PLA2G4A: variants seen among roughly 807,000 people sequenced by gnomAD.
PLA2G4A encodes the protein phospholipase A2 group IVA, also known as cytosolic phospholipase A2.
Under a neutral mutation model 81.9 loss-of-function variants are expected in PLA2G4A, and 40 were observed. The ratio of observed to expected loss-of-function variants is 0.49; its 90% CI spans 0.38 to 0.64. The LOEUF (loss-of-function observed/expected upper bound fraction) is 0.64. Among genes scored for constraint, PLA2G4A ranks in the 30% least tolerant of loss-of-function variants. The pLI is 0.00. For synonymous variants in PLA2G4A, 302 were observed against 296.9 expected, an observed-to-expected ratio of 1.02 and a Z score of -0.18; for missense variants, 715 against 905.1, an observed-to-expected ratio of 0.79 and a Z score of 2.69.
chr1:186,944,527 G>A (rs1656268869), intron 10 of PLA2G4A, among the ~76,000 whole-genome samples: 1 of 152,142 alleles, frequency 6.6e-6, no homozygotes, highest in South Asian at 2.1e-4. Context: ...TGCTAGTTAT[G>A]TCTCACAAAT....
At chr1:186,884,385 G>A (rs60409797) in intron 3 of PLA2G4A, among the ~76,000 whole-genome samples, 5,492 of 151,528 alleles carry the variant, frequency 0.036, 339 homozygotes, top group African/African-American at 0.13. Flanking sequence ...TGGGTGGAGG[G>A]GAAGGATAGG....
Position 186,904,861 on chromosome 1 carries a change from T to TA in PLA2G4A, c.379-2104_379-2103insA, listed in dbSNP as rs869046623. Among the ~76,000 whole-genome samples the TA allele has an allele frequency of 1.5e-3, 46 of 30,642 alleles. No homozygotes were observed. In the African/African-American group the frequency reaches 0.025, roughly 17 times the overall value. The allele number at this position is 30,642 out of a possible 152,430, so 20.1% of individuals were successfully genotyped here. A position where few individuals can be genotyped will look rare whatever the true frequency, so the allele number is the denominator to read the frequency against. ...CAAACAGGCAGGGATATATATATAT[T>TA]TTTTTTTTTGAGACAGAATTTTCAC... On this transcript the variant is annotated intron_variant, in intron 5 of 17. Coordinates refer to ENST00000367466, the MANE Select transcript of PLA2G4A (RefSeq NM_024420.3).
chr1:186,962,319 A>G (rs1557893808), intron 14 of PLA2G4A, among the ~76,000 whole-genome samples: 1 of 152,048 alleles, frequency 6.6e-6, no homozygotes, highest in Non-Finnish European at 1.5e-5. Context: ...TCGCACATCC[A>G]CTGGGGGGTC....
At chr1:186,842,107 A>T (rs1199374865) in intron 1 of PLA2G4A, among the ~76,000 whole-genome samples, 12 of 144,914 alleles carry the variant, frequency 8.3e-5, no homozygotes, top group African/African-American at 1.3e-4. Flanking sequence ...CAGTGGCGTG[A>T]TCTCGGCTCA....
chr1:186,918,961 C>T (rs532748434), intron 7 of PLA2G4A, among the ~76,000 whole-genome samples: 1 of 152,204 alleles, frequency 6.6e-6, no homozygotes, highest in South Asian at 2.1e-4. Flanking sequence ...TAGTGGCCAG[C>T]CTTTGGAAAC....
chr1:186,958,298 A>G (rs1480450033), intron 14 of PLA2G4A, among the ~76,000 whole-genome samples: 3 of 152,212 alleles, frequency 2.0e-5, no homozygotes, highest in Admixed American at 6.5e-5. Context: ...TATAAAGTCA[A>G]TATCTCTTTT....
chr1:186,906,787 G>A (rs959003985), intron 5 of PLA2G4A, among the ~76,000 whole-genome samples, 178 bp from the exon 6 acceptor site: 5 of 152,160 alleles, frequency 3.3e-5, no homozygotes, highest in African/African-American at 1.2e-4. Flanking sequence ...CAAAAAGTTG[G>A]TTTACTGAAA....
intron 6 of PLA2G4A, among the ~76,000 whole-genome samples, chr1:186,909,285 A>G (rs1284830660): frequency 1.3e-5 from 2 of 149,618 alleles, no homozygotes; most frequent in African/African-American, 4.9e-5. Context: ...TTAATTTCTT[A>G]TAGTGTTTAG....
intron 7 of PLA2G4A, among the ~76,000 whole-genome samples, chr1:186,916,026 A>G (rs1655124213): frequency 6.6e-6 from 1 of 152,172 alleles, no homozygotes; most frequent in African/African-American, 2.4e-5. Context: ...CTCCACAGAC[A>G]TAACATGAAG....
At chr1:186,882,100 TGA>T (rs1250098431) in intron 3 of PLA2G4A, among the ~76,000 whole-genome samples, 1 of 152,168 alleles carries the variant, frequency 6.6e-6, no homozygotes, top group African/African-American at 2.4e-5. Flanking sequence ...TAAATGCCTC[TGA>T]GTCTCAATTT....
At chr1:186,853,249 A>T (rs1652437580) in intron 1 of PLA2G4A, among the ~76,000 whole-genome samples, 1 of 151,428 alleles carries the variant, frequency 6.6e-6, no homozygotes, top group Non-Finnish European at 1.5e-5. Flanking sequence ...GTATTAGAAG[A>T]TCCCATTTTT....
chr1:186,938,716 T>A (rs1468047128), intron 8 of PLA2G4A, among the ~76,000 whole-genome samples: 1 of 152,110 alleles, frequency 6.6e-6, no homozygotes, highest in Non-Finnish European at 1.5e-5. Context: ...AGATACTCCA[T>A]TCCTGGCACA....
chr1:186,977,137 A>G (rs1657562491), intron 15 of PLA2G4A, among the ~76,000 whole-genome samples: 1 of 152,348 alleles, frequency 6.6e-6, no homozygotes, highest in East Asian at 1.9e-4. Flanking sequence ...TTTTGTATAC[A>G]TAAAATGAAT....
intron 1 of PLA2G4A, among the ~76,000 whole-genome samples, chr1:186,848,514 A>C (rs373759150): frequency 6.6e-6 from 1 of 152,130 alleles, no homozygotes; most frequent in Non-Finnish European, 1.5e-5. Flanking sequence ...TGACTGGGTT[A>C]ATTCTTTTTC....
intron 3 of PLA2G4A, among the ~76,000 whole-genome samples, chr1:186,875,757 A>C (rs1349855649): frequency 2.0e-5 from 3 of 152,040 alleles, no homozygotes; most frequent in African/African-American, 4.8e-5. Context: ...GCTTTTAACC[A>C]CTGCAGCATG....
intron 3 of PLA2G4A, among the ~76,000 whole-genome samples, chr1:186,885,526 G>A (rs566344226): frequency 2.0e-5 from 3 of 152,248 alleles, no homozygotes; most frequent in African/African-American, 7.2e-5. Flanking sequence ...TCATAAAAAA[G>A]TCTGGCATTC....
Position 186,921,810 on chromosome 1 carries a change from CT to C in PLA2G4A, c.558+10424del, listed in dbSNP as rs1401405226. Among the ~76,000 whole-genome samples the C allele has an allele frequency of 4.6e-5, 7 of 152,220 alleles. No individual in the cohort carries two copies. In the South Asian group the frequency reaches 1.2e-3, roughly 27 times the overall value. On this transcript the variant is annotated intron_variant, in intron 7 of 17. Coordinates refer to ENST00000367466, the MANE Select transcript of PLA2G4A (RefSeq NM_024420.3). Reference sequence around the variant, plus strand: ...GAGAACCTTCCTTAACTAACTGTCCCTTTGCTACTAGTACTGCTGCTGCCTG... The same window carrying C: ...GAGAACCTTCCTTAACTAACTGTCCCTTGCTACTAGTACTGCTGCTGCCTG...
intron 17 of PLA2G4A, among the ~76,000 whole-genome samples, chr1:186,980,459 C>G (rs1657684867): frequency 1.3e-5 from 2 of 152,100 alleles, no homozygotes; most frequent in South Asian, 4.2e-4. Context: ...AAATGATTAT[C>G]AGTTGTAAAA....
At chr1:186,946,539 A>T in intron 10 of PLA2G4A, 98 bp from the exon 11 acceptor site, 1 of 861,114 alleles carries the variant, frequency 1.2e-6, no homozygotes, top group Non-Finnish European at 2.0e-6. Flanking sequence ...TACATGAATG[A>T]GAATAAGCAT....
Sources: allele counts gnomAD v4.1 joint callset (sites outside exome capture counted in the v4.1 genomes callset), GRCh38; gene constraint gnomAD v4.1.1; transcripts MANE v1.5; gene names NCBI Gene and HGNC (gene_info 2026-07-23, HGNC 2026-07-21).